Variants in MPZL2 observed in about 807,000 individuals in gnomAD.
The protein encoded by MPZL2 is myelin protein zero-like protein 2.
In MPZL2, 32 loss-of-function variants were observed where a neutral mutation model predicts 24.5. The observed-to-expected ratio is 1.31, with a 90% CI of 0.99 to 1.76. The LOEUF (loss-of-function observed/expected upper bound fraction) is 1.76, where lower values mean the gene tolerates loss of function less well. Ranked by LOEUF, MPZL2 falls within the 40% of genes most tolerant of loss-of-function variation. The pLI is 0.00. For synonymous variants in MPZL2, 92 were observed against 97.9 expected (o/e 0.94, Z 0.36); for missense variants, 304 against 274.9 (o/e 1.11, Z -0.75).
chr11:118,263,917 G>C (rs1949720753), intron 1 of MPZL2, among the ~76,000 whole-genome samples, 179 bp downstream of exon 1: 1 of 152,100 alleles, frequency 6.6e-6, no homozygotes, highest in Admixed American at 6.5e-5. Context: ...CTGTTTGTCC[G>C]AGAGCAGTTC....
At chr11:118,263,298 C>A in intron 1 of MPZL2, 1 of 546,464 alleles carries the variant, frequency 1.8e-6, no homozygotes, top group African/African-American at 1.9e-5. Context: ...CATGTGACAA[C>A]TAAACTACCA....
In MPZL2 at chr11:118,262,841, A is replaced by C. The variant is rs1949710631; in HGVS notation, c.225+90T>G. ...CGAGCTTAACCTTGTGCTTGCTGCT[A>C]AGAAAAATACTGGAAGGGAAAGGAG... On this transcript the variant is annotated intron_variant, in intron 2 of 5. Transcript: ENST00000278937. The C allele has an allele frequency of 2.0e-6, 3 of 1,500,746 alleles. No individual in the cohort carries two copies. In the East Asian group the frequency reaches 6.8e-5, roughly 34 times the overall value. 93.0% of individuals were successfully genotyped at this position (1,500,746 alleles called of 1,614,324 possible). A position where few individuals can be genotyped will look rare whatever the true frequency, so the allele number is the denominator to read the frequency against.
intron 1 of MPZL2, among the ~76,000 whole-genome samples, chr11:118,263,388 T>C (rs990850662): frequency 2.0e-5 from 3 of 152,168 alleles, no homozygotes; most frequent in African/African-American, 4.8e-5. Flanking sequence ...AAAACTGTTA[T>C]AACAAACTAC....
intron 2 of MPZL2, 82 bp downstream of exon 2, chr11:118,262,849 T>C (rs1949710694): frequency 6.6e-7 from 1 of 1,517,442 alleles, no homozygotes. Context: ...CTAAGAAAAA[T>C]ACTGGAAGGG....
chr11:118,263,308 A>G (rs1019384642), intron 1 of MPZL2: 3 of 522,622 alleles, frequency 5.7e-6, no homozygotes, highest in Non-Finnish European at 1.0e-5. Flanking sequence ...CTAAACTACC[A>G]CACAGCAAGC....
intron 4 of MPZL2, among the ~76,000 whole-genome samples, chr11:118,259,012 T>A (rs12275284): frequency 0.69 from 90,739 of 130,698 alleles, 29,718 homozygotes; most frequent in South Asian, 0.82. Flanking sequence ...CGGTTATGAT[T>A]AAAAAAAAAA....
At chr11:118,263,965 CCAAAGTAAAACA>C in intron 1 of MPZL2, 119 bp downstream of exon 1, 1 of 984,060 alleles carries the variant, frequency 1.0e-6, no homozygotes, top group Non-Finnish European at 1.5e-6. Flanking sequence ...TCAGTAAAAC[CCAAAGTAAAACA>C]AACTGTATCT....
At chr11:118,259,923 C>T in intron 4 of MPZL2, 131 bp downstream of exon 4, 2 of 1,071,856 alleles carry the variant, frequency 1.9e-6, no homozygotes, top group Non-Finnish European at 2.7e-6. Context: ...ATCTGTCCTG[C>T]AAATGTGAAT....
rs1949716082 is a variant in MPZL2, at chr11:118,263,231, T to A, written c.59-134A>T. ...AACTGAGATGCCCCATCTCCCAAAC[T>A]TACTTCACCCAGAATCTACATACTC... On this transcript the variant is annotated intron_variant, in intron 1 of 5. Coordinates refer to ENST00000278937, the MANE Select transcript of MPZL2 (RefSeq NM_005797.4). 4.4e-6 allele frequency: 4 copies of A among 913,996 alleles called. No individual in the cohort carries two copies. The Admixed American group carries it at 1.1e-4, about 24-fold the overall frequency. 56.6% of individuals were successfully genotyped at this position (913,996 alleles called of 1,614,324 possible).
chr11:118,261,769 A>C (rs1005483136), intron 3 of MPZL2, among the ~76,000 whole-genome samples: 1 of 152,210 alleles, frequency 6.6e-6, no homozygotes, highest in Non-Finnish European at 1.5e-5. Context: ...ACAATGCACC[A>C]ATTTAGAGCA....
rs1468414170 is a variant in MPZL2 at position 118,254,375 on chromosome 11, T to C, written c.*871A>G. The C allele has an allele frequency of 1.3e-5, 2 of 152,240 alleles. No homozygotes were observed. The highest frequency in any genetic ancestry group is 4.8e-5 in the African/African-American group (2 of 41,472). The allele number at this position is 152,240 out of a possible 1,614,324, so 9.4% of individuals were successfully genotyped here. A position where few individuals can be genotyped will look rare whatever the true frequency, so the allele number is the denominator to read the frequency against. ...CTGTTTCACAATTTTTTTATTAAATTACTTAATGATTCCAGTCTGCAAATG... is the reference window on the plus strand; with the variant it reads ...CTGTTTCACAATTTTTTTATTAAATCACTTAATGATTCCAGTCTGCAAATG... On this transcript the variant is annotated 3_prime_UTR_variant, in exon 6 of 6. Transcript: ENST00000278937.
At chr11:118,257,602 C>G (rs932863219) in intron 4 of MPZL2, 6 of 269,770 alleles carry the variant, frequency 2.2e-5, no homozygotes, top group African/African-American at 1.3e-4. Context: ...TATCCCACCT[C>G]TAATTTATAT....
intron 4 of MPZL2, 119 bp from the exon 5 acceptor site, chr11:118,257,432 G>A: frequency 1.3e-6 from 1 of 746,638 alleles, no homozygotes; most frequent in Non-Finnish European, 2.3e-6. Flanking sequence ...ACATGCACTT[G>A]GGAGTAGATT....
In MPZL2 at chr11:118,262,419, T is replaced by C. The variant is rs746699855; in HGVS notation, c.436+19A>G. Reference sequence around the variant, plus strand: ...AAGCTCTCATCCTTTCCAAAACCACTGTTCCCTGCATAACCTACCAGTGTG... The same window carrying C: ...AAGCTCTCATCCTTTCCAAAACCACCGTTCCCTGCATAACCTACCAGTGTG... On this transcript the variant is annotated intron_variant, in intron 3 of 5. Coordinates refer to ENST00000278937, the MANE Select transcript of MPZL2 (RefSeq NM_005797.4). 3.1e-6 allele frequency: 5 copies of C among 1,612,200 alleles called. No individual in the cohort carries two copies. The Admixed American group carries it at 5.0e-5, about 16-fold the overall frequency.
chr11:118,264,108 T>C lies in MPZL2; in HGVS notation c.46A>G (p.Ile16Val). The change falls in exon 1 of 6, where the codon ATA (isoleucine) becomes GTA (valine). Residue 16 changes from isoleucine (I) to valine (V), a missense_variant. Coordinates refer to ENST00000278937, the MANE Select transcript of MPZL2 (RefSeq NM_005797.4). ...CGCCGGCTCTTACCTGTGAGCTGTA[T>C]GCCAAGGAGAAGAAGCACCGCACGA... The part of the protein sequence containing the change: ...STRAVLLLLG[I>V]QLTALWPIAA... The C allele has an allele frequency of 1.2e-6, 2 of 1,614,086 alleles. No individual in the cohort carries two copies. Among genetic ancestry groups the C allele is most frequent in the East Asian group, 2.2e-5 (1 of 44,868 alleles).
At chr11:118,263,281 C>A (rs1949716510) in intron 1 of MPZL2, 184 bp from the exon 2 acceptor site, 3 of 586,094 alleles carry the variant, frequency 5.1e-6, no homozygotes, top group Non-Finnish European at 8.8e-6. Context: ...CCTGGACCCT[C>A]CCATTCCATG....
rs140934368 is a variant in MPZL2, at chr11:118,263,056, C to T, written c.100G>A (p.Val34Met). Residue 34 changes from valine (V) to methionine (M), a missense_variant, in exon 2 of 6, where the codon GTG (valine) becomes ATG (methionine). Coordinates refer to ENST00000278937, the MANE Select transcript of MPZL2 (RefSeq NM_005797.4). ...IAAVEIYTSR[V>M]LEAVNGTDAR... The stretch of plus-strand genomic sequence containing the variant: ...TCTGTCCCATTAACAGCCTCCAGCA[C>T]CCGGGAGGTATAAATTTCCACAGCT... 81 of 1,613,938 alleles carry T rather than the reference C, an allele frequency of 5.0e-5. No homozygotes were observed. Among genetic ancestry groups the T allele is most frequent in the Non-Finnish European group, 6.5e-5 (77 of 1,180,002 alleles).
intron 5 of MPZL2, among the ~76,000 whole-genome samples, chr11:118,256,071 G>C (rs773038214): frequency 7.2e-5 from 11 of 152,014 alleles, no homozygotes; most frequent in Non-Finnish European, 1.6e-4. Context: ...TGTTAATTTT[G>C]GTTTTCTGGT....
At chr11:118,260,254 G>A (rs1263582586) in intron 3 of MPZL2, 53 bp from the exon 4 acceptor site, 1 of 1,563,532 alleles carries the variant, frequency 6.4e-7, no homozygotes, top group Non-Finnish European at 8.7e-7. Flanking sequence ...GGACTACAAT[G>A]AAATCTAATG....
Sources: gnomAD v4.1 joint callset for allele counts (sites outside exome capture counted in the v4.1 genomes callset) on GRCh38, gnomAD v4.1.1 for gene constraint, MANE v1.5 for transcripts, NCBI Gene and HGNC (gene_info 2026-07-23, HGNC 2026-07-21) for gene names.